Variants in TIAM2 observed in about 807,000 individuals in gnomAD.
TIAM2 encodes the protein rho guanine nucleotide exchange factor TIAM2.
In TIAM2, 80 loss-of-function variants were observed where a neutral mutation model predicts 152.9. That is an observed-to-expected ratio of 0.52 (90% CI 0.44 to 0.63). The LOEUF (loss-of-function observed/expected upper bound fraction) is 0.63, where lower values mean the gene tolerates loss of function less well. Ranked by LOEUF, TIAM2 falls within the 30% of genes least tolerant of loss-of-function variation. The pLI is 0.00. For synonymous variants in TIAM2, 804 were observed against 838.0 expected, an observed-to-expected ratio of 0.96 and a Z score of 0.70; for missense variants, 1,965 against 2,120.1, an observed-to-expected ratio of 0.93 and a Z score of 1.44.
intron 1 of TIAM2, among the ~76,000 whole-genome samples, chr6:155,047,073 T>C (rs905751801): frequency 6.6e-6 from 1 of 152,208 alleles, no homozygotes; most frequent in South Asian, 2.1e-4. Flanking sequence ...TTTAATGTGC[T>C]TTTTTAATCC....
rs148370368 is a variant in TIAM2, at chr6:155,144,385, G to T, written c.1631-221G>T. Among the ~76,000 whole-genome samples, 1,054 of 152,304 alleles carry T rather than the reference G, an allele frequency of 6.9e-3. 11 individuals carry two copies. The highest frequency in any genetic ancestry group is 0.031 in the Middle Eastern group (9 of 294). On this transcript the variant is annotated intron_variant, in intron 5 of 26. Transcript: ENST00000682666. ...AAGCAACAACTTATTATTTGGTATTGTTATTACTGATATTACATTTACAAA... is the reference window on the plus strand; with the variant it reads ...AAGCAACAACTTATTATTTGGTATTTTTATTACTGATATTACATTTACAAA...
chr6:155,130,330 T>C lies in TIAM2; in HGVS notation c.1107T>C (p.Asp369=), dbSNP rs79755976. The C allele has an allele frequency of 2.8e-3, 4,524 of 1,614,052 alleles. 121 individuals carry two copies. In the African/African-American group the frequency reaches 0.054, roughly 19 times the overall value. Residue 369 remains aspartate, a synonymous_variant, in exon 4 of 27, where the codon GAT becomes GAC. Coordinates refer to ENST00000682666, the MANE Select transcript of TIAM2 (RefSeq NM_012454.4). ...PCRKPKAFVE[D]TAKKDSLKAR... is the part of the protein sequence containing the mutation. ...GGAAGCCCAAAGCCTTTGTTGAGGA[T>C]ACTGCGAAGAAGGACTCCCTCAAAG...
intron 7 of TIAM2, among the ~76,000 whole-genome samples, chr6:155,164,133 G>GTTGTTT (rs1554236332): frequency 8.5e-6 from 1 of 118,006 alleles, no homozygotes. Flanking sequence ...TAATTTTTGT[G>GTTGTTT]TTTTTTTTTT....
At chr6:155,165,627 C>CT (rs1780410702) in intron 9 of TIAM2, among the ~76,000 whole-genome samples, 1 of 152,078 alleles carries the variant, frequency 6.6e-6, no homozygotes, top group Non-Finnish European at 1.5e-5. Flanking sequence ...GAGTGAGACC[C>CT]CATCTCTACA....
At chr6:155,139,995 C>T (rs994493517) in intron 5 of TIAM2, among the ~76,000 whole-genome samples, 1 of 152,118 alleles carries the variant, frequency 6.6e-6, no homozygotes, top group Non-Finnish European at 1.5e-5. Context: ...AAAAAGATGT[C>T]GGGATTTAAT....
chr6:155,076,064 T>C (rs1169046192), intron 1 of TIAM2, among the ~76,000 whole-genome samples: 1 of 152,182 alleles, frequency 6.6e-6, no homozygotes. Flanking sequence ...ACTAGAAGCG[T>C]CTGCATTTTG....
At chr6:155,085,440 C>G (rs560022408) in intron 1 of TIAM2, among the ~76,000 whole-genome samples, 2 of 152,086 alleles carry the variant, frequency 1.3e-5, no homozygotes, top group African/African-American at 4.8e-5. Flanking sequence ...GTACTGTGGG[C>G]TTGCACACTG....
intron 1 of TIAM2, among the ~76,000 whole-genome samples, chr6:155,041,045 G>A (rs941773429): frequency 6.6e-6 from 1 of 151,934 alleles, no homozygotes; most frequent in African/African-American, 2.4e-5. Flanking sequence ...TTTTTTGGAT[G>A]TAGATTTCAG....
chr6:155,240,605 A>T lies in TIAM2; in HGVS notation c.3244A>T (p.Asn1082Tyr). 1 of 1,614,118 alleles carries T rather than the reference A, an allele frequency of 6.2e-7. No homozygotes were observed. Among genetic ancestry groups the T allele is most frequent in the South Asian group, 1.1e-5 (1 of 91,084 alleles). The change falls in exon 16 of 27, where the codon AAT becomes TAT. Residue 1082 changes from asparagine (N) to tyrosine (Y), a missense_variant. Asn to Tyr is a moderately radical substitution (Grantham distance 143). This residue lies in a region of TIAM2 where 935 missense variants were observed against 980.0 expected (regional missense o/e 0.95). Transcript: ENST00000682666. Reference sequence around the variant, plus strand: ...CAACGGCATGGAAGGACCGCGGGAGAATCAGGATCCTCCTCCGAGGTCTCT... The same window carrying T: ...CAACGGCATGGAAGGACCGCGGGAGTATCAGGATCCTCCTCCGAGGTCTCT... ...QANGMEGPRE[N>Y]QDPPPRSLAR...
intron 1 of TIAM2, among the ~76,000 whole-genome samples, chr6:155,062,270 G>A (rs1008122668): frequency 6.6e-6 from 1 of 152,022 alleles, no homozygotes; most frequent in Non-Finnish European, 1.5e-5. Context: ...CCAATTTTTG[G>A]CAACTATGAA....
At position 154,995,712 on chromosome 6, in the gene TIAM2, G is replaced by C. The variant is rs756785315; in HGVS notation, c.-209+220G>C. Among the ~76,000 whole-genome samples, 3 of 152,166 alleles carry C rather than the reference G, an allele frequency of 2.0e-5. No individual in the cohort carries two copies. Among genetic ancestry groups the C allele is most frequent in the Non-Finnish European group, 4.4e-5 (3 of 68,008 alleles). On this transcript the variant is annotated intron_variant, in intron 1 of 26. Transcript: ENST00000682666. The surrounding 1 kb of genome is among the most constrained non-coding windows in gnomAD (Gnocchi z 5.2). ...CTCCCCGGAGGGCGGCAGCGTCCGG[G>C]CACAGCCTGGCACGGGGGACGAAGC...
chr6:155,096,185 G>T (rs531802495), intron 2 of TIAM2, among the ~76,000 whole-genome samples: 3 of 152,162 alleles, frequency 2.0e-5, no homozygotes, highest in Admixed American at 1.3e-4. Context: ...TACAGAAAAA[G>T]GTCACTTTAA....
intron 7 of TIAM2, among the ~76,000 whole-genome samples, chr6:155,153,346 C>T (rs538505493): frequency 6.6e-6 from 1 of 152,184 alleles, no homozygotes; most frequent in South Asian, 2.1e-4. Flanking sequence ...GTGACTCACA[C>T]CTGTAATCCC....
chr6:155,202,209 C>A (rs1781487361), intron 14 of TIAM2, among the ~76,000 whole-genome samples: 1 of 151,922 alleles, frequency 6.6e-6, no homozygotes, highest in Admixed American at 6.6e-5. Context: ...TCAGTTATTT[C>A]TATTATTTCA....
chr6:155,217,043 C>T (rs1191111476), intron 15 of TIAM2: 9 of 1,289,074 alleles, frequency 7.0e-6, no homozygotes, highest in Non-Finnish European at 9.1e-6. Flanking sequence ...GATCCGTTCT[C>T]CCAGAGGGAG....
chr6:155,013,392 G>A (rs1051703857), intron 1 of TIAM2, among the ~76,000 whole-genome samples: 1 of 152,144 alleles, frequency 6.6e-6, no homozygotes, highest in Non-Finnish European at 1.5e-5. Flanking sequence ...CGGCTTGCTG[G>A]GAGAGGTGAG....
chr6:155,255,975 A>G (rs931831429), intron 26 of TIAM2: 8 of 181,420 alleles, frequency 4.4e-5, no homozygotes, highest in African/African-American at 2.2e-4. Flanking sequence ...ACACCACTGC[A>G]CTCCAGCCTG....
chr6:155,257,240 A>G lies in TIAM2; in HGVS notation c.*119A>G, dbSNP rs1784116878. ...TTCATTCCTGGGTTTTGTGCAGTAT[A>G]CATTTTCCCACAAAATGGTTGTAAA... On this transcript the variant is annotated 3_prime_UTR_variant, in exon 27 of 27. Transcript: ENST00000682666. 1 of 1,093,414 alleles carries G rather than the reference A, an allele frequency of 9.1e-7. No homozygotes were observed. Among genetic ancestry groups the G allele is most frequent in the South Asian group, 1.6e-5 (1 of 62,532 alleles). 67.7% of individuals were successfully genotyped at this position (1,093,414 alleles called of 1,614,324 possible).
rs376953752 is a variant in TIAM2, at chr6:155,255,495, C to T, written c.4468+922C>T. ...CAGTGTGACCTCTTCAGATCTACCA[C>T]ATATTTACTATTTTCTCCATTGTCA... On this transcript the variant is annotated intron_variant, in intron 26 of 26. Transcript: ENST00000682666. 2.0e-5 allele frequency: 3 copies of T among 152,156 alleles called. No individual in the cohort carries two copies. The South Asian group carries it at 6.2e-4, about 31-fold the overall frequency. The allele number at this position is 152,156 out of a possible 1,614,324, so 9.4% of individuals were successfully genotyped here.
Sources: gnomAD v4.1 joint callset for allele counts (sites outside exome capture counted in the v4.1 genomes callset) on GRCh38, gnomAD v4.1.1 for gene constraint, gnomAD v4.1.1 regional missense constraint, Gnocchi (gnomAD v3.1) non-coding constraint, MANE v1.5 for transcripts, NCBI Gene and HGNC (gene_info 2026-07-23, HGNC 2026-07-21) for gene names.